The following DACH1 variants were observed in gnomAD, a reference collection of about 807,000 sequenced individuals.
DACH1 encodes the protein dachshund homolog 1.
A neutral mutation model predicts 54.2 loss-of-function variants in DACH1; 12 were observed. The ratio of observed to expected loss-of-function variants is 0.22; its 90% CI spans 0.14 to 0.36. The LOEUF is 0.36. Among genes scored for constraint, DACH1 ranks in the 10% least tolerant of loss-of-function variants. DACH1 has a pLI of 1.00. For missense variants in DACH1, 805 were observed against 929.8 expected, an observed-to-expected ratio of 0.87 and a Z score of 1.75; for synonymous variants, 386 against 366.2, an observed-to-expected ratio of 1.05 and a Z score of -0.62.
chr13:71,696,842 G>A (rs891990700), intron 1 of DACH1, among the ~76,000 whole-genome samples: 8 of 152,042 alleles, frequency 5.3e-5, no homozygotes, highest in African/African-American at 1.4e-4. Flanking sequence ...CACCGTGCCC[G>A]GCCTGAAATT....
chr13:71,630,420 C>A, intron 3 of DACH1, 136 bp downstream of exon 3: 1 of 1,334,538 alleles, frequency 7.5e-7, no homozygotes, highest in Non-Finnish European at 9.7e-7. Context: ...AAAATGGTAT[C>A]CTCAAACATA....
At chr13:71,675,247 C>T (rs1448096175) in intron 2 of DACH1, 1 of 1,549,996 alleles carries the variant, frequency 6.5e-7, no homozygotes, top group Non-Finnish European at 8.7e-7. Context: ...CACTGAACTT[C>T]TGATTCGCAG....
At chr13:71,535,033 G>T in intron 6 of DACH1, among the ~76,000 whole-genome samples, 1 of 150,234 alleles carries the variant, frequency 6.7e-6, no homozygotes, top group East Asian at 1.9e-4. Flanking sequence ...TTAACTCCCA[G>T]AATAATAACT....
intron 1 of DACH1, among the ~76,000 whole-genome samples, chr13:71,827,477 C>A (rs1888424948): frequency 6.6e-6 from 1 of 152,024 alleles, no homozygotes; most frequent in Non-Finnish European, 1.5e-5. Context: ...CAGTAAGTTC[C>A]AAACTTGAGA....
intron 3 of DACH1, among the ~76,000 whole-genome samples, chr13:71,603,059 T>C: frequency 6.6e-6 from 1 of 152,164 alleles, no homozygotes; most frequent in Non-Finnish European, 1.5e-5. Flanking sequence ...GCTATTGAAG[T>C]AATAAAATTA....
intron 1 of DACH1, among the ~76,000 whole-genome samples, chr13:71,784,920 T>G (rs548399872): frequency 1.3e-5 from 2 of 152,274 alleles, no homozygotes; most frequent in South Asian, 4.1e-4. Context: ...AATTGACTAT[T>G]CTTTCTCAGT....
chr13:71,543,442 A>G (rs1883262744), intron 6 of DACH1, among the ~76,000 whole-genome samples: 1 of 152,122 alleles, frequency 6.6e-6, no homozygotes, highest in African/African-American at 2.4e-5. Context: ...ATACATTTCA[A>G]TTCAGAGGAA....
chr13:71,533,196 C>T (rs949515522), intron 6 of DACH1, among the ~76,000 whole-genome samples: 7 of 151,718 alleles, frequency 4.6e-5, no homozygotes, highest in African/African-American at 1.2e-4. Flanking sequence ...CTCTTCAAAG[C>T]GTATAAGATT....
At chr13:71,765,039 A>G (rs927495130) in intron 1 of DACH1, among the ~76,000 whole-genome samples, 6 of 152,140 alleles carry the variant, frequency 3.9e-5, no homozygotes, top group African/African-American at 1.4e-4. Context: ...CATTCATTCC[A>G]ATTTCCAATC....
intron 2 of DACH1, among the ~76,000 whole-genome samples, chr13:71,672,546 G>A (rs948456679): frequency 2.0e-5 from 3 of 152,116 alleles, no homozygotes; most frequent in Non-Finnish European, 4.4e-5. Context: ...ACATCATTAA[G>A]GGAAGGAGTT....
At chr13:71,518,553 G>GGA (rs1881332805) in intron 6 of DACH1, among the ~76,000 whole-genome samples, 1 of 151,806 alleles carries the variant, frequency 6.6e-6, no homozygotes, top group Non-Finnish European at 1.5e-5. Flanking sequence ...AATTCCATTA[G>GGA]GTATGAGATG....
chr13:71,675,897 A>T (rs1189224489), intron 2 of DACH1, among the ~76,000 whole-genome samples: 1 of 152,120 alleles, frequency 6.6e-6, no homozygotes, highest in Non-Finnish European at 1.5e-5. Flanking sequence ...CATTCACTAT[A>T]CTTTTCTGAG....
intron 1 of DACH1, among the ~76,000 whole-genome samples, chr13:71,823,118 T>C (rs555982312): frequency 9.9e-5 from 15 of 152,190 alleles, no homozygotes; most frequent in African/African-American, 3.6e-4. Context: ...AAATAAAATA[T>C]TCAAAAAATT....
intron 1 of DACH1, among the ~76,000 whole-genome samples, chr13:71,852,185 G>T (rs1432340134): frequency 6.6e-6 from 1 of 152,168 alleles, no homozygotes; most frequent in Non-Finnish European, 1.5e-5. Context: ...GGAAGCAGGA[G>T]CCAGCCGAGT....
intron 6 of DACH1, among the ~76,000 whole-genome samples, chr13:71,510,061 C>T (rs992405418): frequency 6.6e-6 from 1 of 152,034 alleles, no homozygotes; most frequent in Non-Finnish European, 1.5e-5. Flanking sequence ...AGGCCCTTGA[C>T]ACATTGAACA....
chr13:71,765,884 ATTTTT>A (rs10610275), intron 1 of DACH1, among the ~76,000 whole-genome samples: 1 of 103,920 alleles, frequency 9.6e-6, no homozygotes, highest in Non-Finnish European at 2.0e-5. Context: ...CTTCTTCTTC[ATTTTT>A]TTTTTTTTTT....
chr13:71,824,734 C>T (rs569948596), intron 1 of DACH1, among the ~76,000 whole-genome samples: 3 of 152,102 alleles, frequency 2.0e-5, no homozygotes, highest in South Asian at 2.1e-4. Flanking sequence ...ATTCTCACTC[C>T]TTACTACTCT....
intron 4 of DACH1, among the ~76,000 whole-genome samples, chr13:71,570,182 T>G (rs747600331): frequency 7.9e-5 from 12 of 152,196 alleles, no homozygotes; most frequent in Non-Finnish European, 1.8e-4. Context: ...TACTTAGAAC[T>G]TCTTGGAGGA....
At position 71,829,012 on chromosome 13, in the gene DACH1, G is replaced by T. The variant is rs200599959; in HGVS notation, c.848+36910C>A. On this transcript the variant is annotated intron_variant, in intron 1 of 10. Transcript: ENST00000613252. ...TTTCTTTTCAATACTGAGTAAAGTT[G>T]TCTAATCTGACATTCAGTTCACATT... 5.3e-5 allele frequency among the ~76,000 whole-genome samples: 8 copies of T among 151,926 alleles called. No individual in the cohort carries two copies. In the East Asian group the frequency reaches 7.7e-4, roughly 15 times the overall value.
Sources: gnomAD v4.1 joint callset for allele counts (sites outside exome capture counted in the v4.1 genomes callset) on GRCh38, gnomAD v4.1.1 for gene constraint, MANE v1.5 for transcripts, NCBI Gene and HGNC (gene_info 2026-07-23, HGNC 2026-07-21) for gene names.